The following ZNF680 variants were observed in gnomAD, a reference collection of about 807,000 sequenced individuals.
ZNF680 encodes hypothetical protein FLJ90430.
ZNF680 carries 6 observed loss-of-function variants against 12.1 expected under a neutral mutation model. That is an observed-to-expected ratio of 0.49 (90% CI 0.27 to 0.98). The LOEUF is 0.98. ZNF680 is among the 50% of genes least tolerant of loss of function. ZNF680 has a pLI of 0.12. For missense variants in ZNF680, 561 were observed against 616.3 expected, an observed-to-expected ratio of 0.91 and a Z score of 0.95; for synonymous variants, 170 against 199.3, an observed-to-expected ratio of 0.85 and a Z score of 1.24.
chr7:64,526,379 G>A (rs1791843881), intron 3 of ZNF680: 5 of 1,402,390 alleles, frequency 3.6e-6, no homozygotes, highest in Non-Finnish European at 4.7e-6. Context: ...ATTATGACTA[G>A]CACAGTTCTA....
intron 3 of ZNF680, among the ~76,000 whole-genome samples, chr7:64,529,188 T>C (rs1478857970): frequency 6.6e-6 from 1 of 152,196 alleles, no homozygotes; most frequent in African/African-American, 2.4e-5. Flanking sequence ...ACCTTCCTTC[T>C]GACAGAGCCT....
the ZNF680 span, among the ~76,000 whole-genome samples, chr7:64,505,554 T>C: frequency 1.3e-5 from 2 of 152,174 alleles, no homozygotes; most frequent in African/African-American, 4.8e-5. Flanking sequence ...CATGCTGATT[T>C]AATTATAGTA....
downstream of ZNF680, among the ~76,000 whole-genome samples, chr7:64,517,924 G>A (rs926095424): frequency 6.6e-6 from 1 of 151,940 alleles, no homozygotes; most frequent in African/African-American, 2.4e-5. Flanking sequence ...TGCATACAAA[G>A]GACATATCTC....
chr7:64,552,297 C>T (rs1247243434), intron 1 of ZNF680, among the ~76,000 whole-genome samples: 1 of 152,226 alleles, frequency 6.6e-6, no homozygotes, highest in Non-Finnish European at 1.5e-5. Flanking sequence ...AAGTGATCCA[C>T]CCGCGTTGGC....
At chr7:64,562,719 G>A (rs984386273) in intron 1 of ZNF680, among the ~76,000 whole-genome samples, 4 of 152,222 alleles carry the variant, frequency 2.6e-5, no homozygotes, top group African/African-American at 9.6e-5. Flanking sequence ...CACTGCGCAG[G>A]GAGGAGACAT....
At chr7:64,523,371 G>T (rs1791648256) in intron 3 of ZNF680, among the ~76,000 whole-genome samples, 1 of 151,686 alleles carries the variant, frequency 6.6e-6, no homozygotes, top group African/African-American at 2.4e-5. Context: ...GTACCACAAA[G>T]AAAGTATTTT....
chr7:64,553,930 C>A (rs1001498863), intron 1 of ZNF680, among the ~76,000 whole-genome samples: 1 of 152,110 alleles, frequency 6.6e-6, no homozygotes, highest in African/African-American at 2.4e-5. Context: ...GATCTCGGCT[C>A]GCTACAACCT....
At chr7:64,531,404 G>A (rs1052336710) in intron 3 of ZNF680, among the ~76,000 whole-genome samples, 2 of 151,970 alleles carry the variant, frequency 1.3e-5, no homozygotes, top group East Asian at 1.9e-4. Context: ...GACCACCCTG[G>A]CTAACATGGG....
At position 64,521,942 on chromosome 7, in the gene ZNF680, C is replaced by A; in HGVS notation, c.812G>T (p.Cys271Phe). The A allele has an allele frequency of 1.2e-6, 2 of 1,612,904 alleles. No homozygotes were observed. ...TGAGAATAAACTAAAGGCTTTGCCACATTCTTCACATTTGAAGGGTTTCTC... is the reference window on the plus strand; with the variant it reads ...TGAGAATAAACTAAAGGCTTTGCCAAATTCTTCACATTTGAAGGGTTTCTC... ...IEEKPFKCEE[C>F]GKAFSLFSIL... Residue 271 changes from cysteine to phenylalanine, a missense_variant, in exon 4 of 4, where the codon TGT (cysteine) becomes TTT (phenylalanine). Cys to Phe is a radical substitution (Grantham distance 205, BLOSUM62 -2). Transcript: ENST00000309683.
chr7:64,512,048 A>C, the ZNF680 span, among the ~76,000 whole-genome samples: 2 of 151,112 alleles, frequency 1.3e-5, no homozygotes. Flanking sequence ...GACAAGAGCA[A>C]GACTTGGTCT....
chr7:64,521,776 T>G lies in ZNF680; in HGVS notation c.978A>C (p.Glu326Asp), dbSNP rs1363162683. ...HTGEKPFKCEECGKDFNQFSN... is the reference protein window; with the variant it reads ...HTGEKPFKCEDCGKDFNQFSN... ...AAAACTGGTTAAAGTCTTTGCCACA[T>G]TCTTCACATTTGAAGGGTTTCTCTC... The change falls in exon 4 of 4, where the codon GAA becomes GAC. Residue 326 changes from glutamate (E) to aspartate (D), a missense_variant. By Grantham distance (45) the Glu-to-Asp change is conservative (BLOSUM62 2). Transcript: ENST00000309683. 4 of 1,613,132 alleles carry G rather than the reference T, an allele frequency of 2.5e-6. No individual in the cohort carries two copies. Among genetic ancestry groups the G allele is most frequent in the Non-Finnish European group, 3.4e-6 (4 of 1,179,736 alleles).
chr7:64,539,822 G>GT (rs1007342430), intron 3 of ZNF680, among the ~76,000 whole-genome samples: 16 of 151,588 alleles, frequency 1.1e-4, no homozygotes, highest in Non-Finnish European at 1.5e-4. Flanking sequence ...TTTAAAAATA[G>GT]TTTTTTTTGT....
Position 64,522,415 on chromosome 7 carries a change from T to A in ZNF680, c.339A>T (p.Gly113=), listed in dbSNP as rs765381394. Residue 113 remains glycine (G), a synonymous_variant, in exon 4 of 4, where the codon GGA becomes GGT. Transcript: ENST00000309683. ...ATTGTAAATTCTCATGTCCACATTT[T>A]CCATATCCTCTCAGTATCACTTTTT... ...SFQKVILRGY[G]KCGHENLQLR... 1.9e-5 allele frequency: 30 copies of A among 1,611,322 alleles called. No homozygotes were observed. Among genetic ancestry groups the A allele is most frequent in the Non-Finnish European group, 2.5e-5 (30 of 1,178,740 alleles).
chr7:64,548,227 T>C (rs1786882677), intron 1 of ZNF680, among the ~76,000 whole-genome samples: 1 of 152,260 alleles, frequency 6.6e-6, no homozygotes, highest in South Asian at 2.1e-4. Flanking sequence ...TTTTCTAGGG[T>C]AATTTATTAG....
intron 3 of ZNF680, among the ~76,000 whole-genome samples, chr7:64,539,130 CAAAAAAA>C (rs529165573): frequency 1.3e-5 from 1 of 77,702 alleles, no homozygotes. Flanking sequence ...GACTCCATCT[CAAAAAAA>C]AAAAAAAAAA....
chr7:64,555,090 C>A (rs1441144462), intron 1 of ZNF680, among the ~76,000 whole-genome samples: 1 of 152,162 alleles, frequency 6.6e-6, no homozygotes, highest in Non-Finnish European at 1.5e-5. Flanking sequence ...TAGTGGGATA[C>A]AACACCCCAC....
chr7:64,556,240 A>G (rs1787405410), intron 1 of ZNF680, among the ~76,000 whole-genome samples: 1 of 149,976 alleles, frequency 6.7e-6, no homozygotes, highest in South Asian at 2.1e-4. Context: ...CAAACTACCA[A>G]TAACATTCTT....
In ZNF680 at chr7:64,521,075, T is replaced by C; in HGVS notation, c.*86A>G. The C allele has an allele frequency of 1.5e-6, 2 of 1,363,678 alleles. No individual in the cohort carries two copies. Among genetic ancestry groups the C allele is most frequent in the East Asian group, 4.6e-5 (2 of 43,344 alleles). The allele number at this position is 1,363,678 out of a possible 1,614,324, so 84.5% of individuals were successfully genotyped here. Reference sequence around the variant, plus strand: ...ATAAATTATCTTACCTACAAGCAAGTGTAACAATCATTGGAAGGCTTTGTC... The same window carrying C: ...ATAAATTATCTTACCTACAAGCAAGCGTAACAATCATTGGAAGGCTTTGTC... On this transcript the variant is annotated 3_prime_UTR_variant, in exon 4 of 4. Coordinates refer to ENST00000309683, the MANE Select transcript of ZNF680 (RefSeq NM_178558.5).
At chr7:64,542,648 G>T (rs945565022) in intron 3 of ZNF680, among the ~76,000 whole-genome samples, 1 of 151,974 alleles carries the variant, frequency 6.6e-6, no homozygotes, top group Admixed American at 6.6e-5. Context: ...ATTTAAACAA[G>T]GAGGTAAAAA....
Sources: allele counts gnomAD v4.1 joint callset (sites outside exome capture counted in the v4.1 genomes callset), GRCh38; gene constraint gnomAD v4.1.1; transcripts MANE v1.5; gene names NCBI Gene and HGNC (gene_info 2026-07-23, HGNC 2026-07-21).